Variants in LRBA observed in about 807,000 individuals in gnomAD.
LRBA encodes the protein LPS responsive beige-like anchor protein, also known as lipopolysaccharide-responsive and beige-like anchor protein.
In LRBA, 176 loss-of-function variants were observed where a neutral mutation model predicts 330.0. The observed-to-expected ratio is 0.53, with a 90% CI of 0.47 to 0.60. LRBA has a LOEUF of 0.60. Among genes scored for constraint, LRBA ranks in the 20% least tolerant of loss-of-function variants. LRBA has a pLI of 0.00. For missense variants in LRBA, 3,259 were observed against 3,444.8 expected, an observed-to-expected ratio of 0.95 and a Z score of 1.35; for synonymous variants, 1,230 against 1,193.0, an observed-to-expected ratio of 1.03 and a Z score of -0.64.
chr4:150,486,834 C>G (rs572670066), intron 42 of LRBA, among the ~76,000 whole-genome samples: 2 of 151,928 alleles, frequency 1.3e-5, no homozygotes, highest in Non-Finnish European at 2.9e-5. Flanking sequence ...CGATTCTACT[C>G]TCTACTTCTA....
chr4:150,395,696 A>C (rs1276803678), intron 47 of LRBA, among the ~76,000 whole-genome samples: 1 of 152,130 alleles, frequency 6.6e-6, no homozygotes, highest in Non-Finnish European at 1.5e-5. Context: ...TTAACCTCCC[A>C]AGCCTCATCC....
intron 2 of LRBA, among the ~76,000 whole-genome samples, chr4:151,000,413 A>G (rs1743201171): frequency 6.6e-6 from 1 of 152,164 alleles, no homozygotes; most frequent in Non-Finnish European, 1.5e-5. Flanking sequence ...TATTCACTTA[A>G]AAAAAGTGCT....
chr4:150,481,352 C>T (rs1757276295), intron 42 of LRBA, among the ~76,000 whole-genome samples: 1 of 152,026 alleles, frequency 6.6e-6, no homozygotes, highest in African/African-American at 2.4e-5. Context: ...TGGATAGATG[C>T]CCAGTAGTGG....
chr4:150,849,578 G>C lies in LRBA; in HGVS notation c.4005-3C>G, dbSNP rs1235215249. 6.2e-7 allele frequency: 1 copy of C among 1,608,070 alleles called. No homozygotes were observed. Among genetic ancestry groups the C allele is most frequent in the South Asian group, 1.1e-5 (1 of 90,418 alleles). ...CCATAACTGTCTTTGTTGAATGGCTGTCCAAAGATAAATGATATTTACTGA... is the reference window on the plus strand; with the variant it reads ...CCATAACTGTCTTTGTTGAATGGCTCTCCAAAGATAAATGATATTTACTGA... On this transcript the variant is annotated splice_region_variant and splice_polypyrimidine_tract_variant and intron_variant, in intron 24 of 56. Transcript: ENST00000651943.
At chr4:150,381,663 ATG>A (rs1742284507) in intron 47 of LRBA, among the ~76,000 whole-genome samples, 1 of 152,214 alleles carries the variant, frequency 6.6e-6, no homozygotes, top group Admixed American at 6.5e-5. Context: ...ATAAACATTA[ATG>A]AATATGTTTT....
intron 47 of LRBA, among the ~76,000 whole-genome samples, chr4:150,408,386 T>G (rs1309352102): frequency 6.6e-6 from 1 of 152,070 alleles, no homozygotes; most frequent in Admixed American, 6.6e-5. Flanking sequence ...AAAAAACTGA[T>G]TTGGTAATTT....
chr4:150,640,013 T>C (rs1166147203), intron 37 of LRBA, among the ~76,000 whole-genome samples: 1 of 150,076 alleles, frequency 6.7e-6, no homozygotes, highest in Non-Finnish European at 1.5e-5. Flanking sequence ...CCTGCCACCA[T>C]GCCCAACTAA....
chr4:150,375,324 G>A (rs1017588434), intron 47 of LRBA, among the ~76,000 whole-genome samples: 1 of 152,108 alleles, frequency 6.6e-6, no homozygotes, highest in Non-Finnish European at 1.5e-5. Flanking sequence ...TAATGACCTG[G>A]GGGGTAATGC....
intron 50 of LRBA, 78 bp from the exon 51 acceptor site, chr4:150,315,701 T>A (rs2126900772): frequency 2.4e-6 from 2 of 842,750 alleles, no homozygotes; most frequent in Non-Finnish European, 3.6e-6. Context: ...AAGTCAAACC[T>A]TATGTAGAAT....
At chr4:150,552,523 A>G (rs955228441) in intron 40 of LRBA, among the ~76,000 whole-genome samples, 2 of 152,160 alleles carry the variant, frequency 1.3e-5, no homozygotes, top group Admixed American at 1.3e-4. Flanking sequence ...ATGTGGAGAA[A>G]CAGGAACACT....
At chr4:150,752,593 A>G (rs903932988) in intron 35 of LRBA, among the ~76,000 whole-genome samples, 1 of 152,160 alleles carries the variant, frequency 6.6e-6, no homozygotes, top group African/African-American at 2.4e-5. Flanking sequence ...AGTATCCTTG[A>G]TCAGAGACCA....
intron 43 of LRBA, among the ~76,000 whole-genome samples, chr4:150,471,342 T>C (rs1347716953): frequency 3.3e-5 from 5 of 152,134 alleles, no homozygotes; most frequent in African/African-American, 9.7e-5. Flanking sequence ...TGGGTGAATA[T>C]AATTTCCCTC....
chr4:150,978,243 G>T (rs569723543), intron 2 of LRBA, among the ~76,000 whole-genome samples: 1 of 152,252 alleles, frequency 6.6e-6, no homozygotes, highest in Non-Finnish European at 1.5e-5. Context: ...AAGAAAACAA[G>T]AGTCTCCACC....
At chr4:150,919,020 G>A (rs1441476574) in intron 5 of LRBA, among the ~76,000 whole-genome samples, 1 of 152,006 alleles carries the variant, frequency 6.6e-6, no homozygotes, top group African/African-American at 2.4e-5. Flanking sequence ...TTCACTAGTT[G>A]ACAAATGATT....
chr4:150,496,943 T>C (rs1214109575), intron 40 of LRBA, among the ~76,000 whole-genome samples: 1 of 152,114 alleles, frequency 6.6e-6, no homozygotes, highest in Non-Finnish European at 1.5e-5. Flanking sequence ...AAATATTCAC[T>C]ATATCCCATT....
At chr4:151,003,545 A>G (rs1161464656) in intron 2 of LRBA, among the ~76,000 whole-genome samples, 2 of 152,086 alleles carry the variant, frequency 1.3e-5, no homozygotes, top group Non-Finnish European at 2.9e-5. Flanking sequence ...AGAAAACAGC[A>G]TGGTACTGGC....
chr4:150,806,147 T>G, intron 33 of LRBA, 124 bp downstream of exon 33: 35 of 627,932 alleles, frequency 5.6e-5, no homozygotes, highest in Non-Finnish European at 7.9e-5. Flanking sequence ...AGATAGCCTA[T>G]GAGAAACCTT....
At chr4:151,012,473 A>G (rs965735639) in intron 2 of LRBA, among the ~76,000 whole-genome samples, 1 of 152,194 alleles carries the variant, frequency 6.6e-6, no homozygotes, top group African/African-American at 2.4e-5. Context: ...GACATTTTAA[A>G]AAAGAACAAA....
intron 31 of LRBA, among the ~76,000 whole-genome samples, chr4:150,816,598 T>C (rs1744628434): frequency 6.6e-6 from 1 of 151,866 alleles, no homozygotes; most frequent in Admixed American, 6.6e-5. Flanking sequence ...AATGAACCAG[T>C]ATGACCATTG....
Sources: gnomAD v4.1 joint callset for allele counts (sites outside exome capture counted in the v4.1 genomes callset) on GRCh38, gnomAD v4.1.1 for gene constraint, MANE v1.5 for transcripts, NCBI Gene and HGNC (gene_info 2026-07-23, HGNC 2026-07-21) for gene names.